The following SCUBE1 variants were observed in gnomAD, a reference collection of about 807,000 sequenced individuals.
SCUBE1 encodes the protein signal peptide, CUB domain and EGF like domain containing 1, also known as signal peptide, CUB and EGF-like domain-containing protein 1.
In SCUBE1, 59 loss-of-function variants were observed where a neutral mutation model predicts 124.4. That is an observed-to-expected ratio of 0.47 (90% CI 0.38 to 0.59). The LOEUF (loss-of-function observed/expected upper bound fraction) is 0.59. Among genes scored for constraint, SCUBE1 ranks in the 20% least tolerant of loss-of-function variants. The pLI, the probability that SCUBE1 is intolerant of heterozygous loss-of-function variation, is 0.00. For synonymous variants in SCUBE1, 545 were observed against 550.9 expected, an observed-to-expected ratio of 0.99 and a Z score of 0.15; for missense variants, 1,150 against 1,371.2, an observed-to-expected ratio of 0.84 and a Z score of 2.55.
At chr22:43,301,056 CCA>C (rs974687308) in intron 3 of SCUBE1, among the ~76,000 whole-genome samples, 10 of 152,196 alleles carry the variant, frequency 6.6e-5, no homozygotes, top group Admixed American at 6.5e-4. Flanking sequence ...GTCACACAAC[CCA>C]CAGTTGCTTC....
rs1408756726 is a variant in SCUBE1, at chr22:43,223,051, A to C, written c.1327+46T>G. ...AGCAATGGTGGGACCCCAGGGAGGA[A>C]GACCCCCCTGCCACAGCATCCCATC... On this transcript the variant is annotated intron_variant, in intron 11 of 21. Transcript: ENST00000360835. 6 of 1,498,546 alleles carry C rather than the reference A, an allele frequency of 4.0e-6. No individual in the cohort carries two copies. In the African/African-American group the frequency reaches 8.5e-5, roughly 21 times the overall value. The allele number at this position is 1,498,546 out of a possible 1,614,324, so 92.8% of individuals were successfully genotyped here.
At chr22:43,219,854 C>T (rs945491615) in intron 14 of SCUBE1, among the ~76,000 whole-genome samples, 4 of 152,082 alleles carry the variant, frequency 2.6e-5, no homozygotes, top group African/African-American at 9.7e-5. Flanking sequence ...CCCCCACCAC[C>T]GAGAGTCCCA....
chr22:43,252,834 C>T (rs1306611849), intron 6 of SCUBE1, among the ~76,000 whole-genome samples: 4 of 150,566 alleles, frequency 2.7e-5, no homozygotes, highest in African/African-American at 7.3e-5. Context: ...CCTTACTCTC[C>T]ATACCTCGCC....
chr22:43,339,021 G>A, intron 2 of SCUBE1, 83 bp downstream of exon 2: 1 of 1,496,542 alleles, frequency 6.7e-7, no homozygotes, highest in Non-Finnish European at 9.2e-7. Context: ...AGCCCCAGCT[G>A]GTGATGAATG....
intron 2 of SCUBE1, among the ~76,000 whole-genome samples, chr22:43,329,349 C>T (rs890477875): frequency 5.9e-5 from 9 of 152,270 alleles, no homozygotes; most frequent in African/African-American, 1.7e-4. Flanking sequence ...GCCATGGAAA[C>T]GAGGAGCACC....
chr22:43,241,162 T>C (rs1922989407), intron 6 of SCUBE1, among the ~76,000 whole-genome samples: 1 of 152,134 alleles, frequency 6.6e-6, no homozygotes, highest in Admixed American at 6.5e-5. Flanking sequence ...GGTCACCCGC[T>C]CTCTGGACGA....
Position 43,245,225 on chromosome 22 carries a change from C to T in SCUBE1, c.728-6271G>A, listed in dbSNP as rs568965074. Among the ~76,000 whole-genome samples the T allele has an allele frequency of 2.1e-4, 32 of 152,344 alleles. 1 individual carries two copies. The highest frequency in any genetic ancestry group is 8.3e-4 in the South Asian group (4 of 4,832). On this transcript the variant is annotated intron_variant, in intron 6 of 21. Transcript: ENST00000360835. ...ATGGCCAGCGCTGTGCTGGGCACCA[C>T]GAATGTGGCCTCCCTTGCGCCTCTG...
intron 7 of SCUBE1, chr22:43,237,537 G>C (rs982373862): frequency 6.6e-6 from 1 of 152,230 alleles, no homozygotes; most frequent in Non-Finnish European, 1.5e-5. Flanking sequence ...CTGCCCACTT[G>C]CCTGCCAGGA....
intron 13 of SCUBE1, 125 bp downstream of exon 13, chr22:43,221,048 G>A (rs777412892): frequency 1.8e-5 from 12 of 652,466 alleles, no homozygotes; most frequent in Non-Finnish European, 2.9e-5. Flanking sequence ...ATAAACAGCT[G>A]CCAGGTGAGA....
chr22:43,311,343 G>C (rs1926161601), intron 3 of SCUBE1, among the ~76,000 whole-genome samples: 1 of 151,984 alleles, frequency 6.6e-6, no homozygotes, highest in Non-Finnish European at 1.5e-5. Context: ...GCATATAGCA[G>C]GCACTCAGAA....
At chr22:43,288,684 A>G (rs1925242191) in intron 4 of SCUBE1, among the ~76,000 whole-genome samples, 1 of 151,700 alleles carries the variant, frequency 6.6e-6, no homozygotes, top group Admixed American at 6.6e-5. Flanking sequence ...ACACCGCATC[A>G]CCTCCCAAGG....
rs767204628 is a variant in SCUBE1, at chr22:43,284,755, A to ATCGTCGTCGTCGTCGTCG, written c.484+6290_484+6291insCGACGACGACGACGACGA. 6.7e-5 allele frequency among the ~76,000 whole-genome samples: 10 copies of ATCGTCGTCGTCGTCGTCG among 149,306 alleles called. No homozygotes were observed. The South Asian group carries it at 1.7e-3, about 25-fold the overall frequency. On this transcript the variant is annotated intron_variant, in intron 4 of 21. Transcript: ENST00000360835. ...ATTGGATGCAGCTCTTGCAATCATC[A>ATCGTCGTCGTCGTCGTCG]TCGTCATCGTCGTCGTCGTCGTCGT... is the stretch of plus-strand genomic sequence containing the variant.
At chr22:43,265,132 G>T in intron 4 of SCUBE1, among the ~76,000 whole-genome samples, 1 of 152,218 alleles carries the variant, frequency 6.6e-6, no homozygotes, top group East Asian at 1.9e-4. Context: ...CCATACATTT[G>T]TCACTGGGGA....
chr22:43,235,132 C>T (rs373119689), intron 7 of SCUBE1, among the ~76,000 whole-genome samples: 27 of 152,140 alleles, frequency 1.8e-4, no homozygotes, highest in African/African-American at 6.5e-4. Flanking sequence ...TGTCTAGGAA[C>T]GCTCACCGAA....
intron 6 of SCUBE1, among the ~76,000 whole-genome samples, chr22:43,239,266 G>A (rs1922901000): frequency 6.6e-6 from 1 of 152,214 alleles, no homozygotes; most frequent in Admixed American, 6.5e-5. Context: ...TGCTATCTGG[G>A]GCCAGACTGG....
rs1921604836 is a variant in SCUBE1 at position 43,212,422 on chromosome 22, C to G, written c.2221+3G>C. 1.3e-6 allele frequency: 2 copies of G among 1,550,000 alleles called. No homozygotes were observed. Among genetic ancestry groups the G allele is most frequent in the African/African-American group, 1.4e-5 (1 of 73,164 alleles). On this transcript the variant is annotated splice_donor_region_variant and intron_variant, in intron 17 of 21. Coordinates refer to ENST00000360835, the MANE Select transcript of SCUBE1 (RefSeq NM_173050.5). Reference sequence around the variant, plus strand: ...GCGGGCGTGGTGGGGAGGGCATGCTCACCTTTAGCCTCGCAGTCCTGGAAG... The same window carrying G: ...GCGGGCGTGGTGGGGAGGGCATGCTGACCTTTAGCCTCGCAGTCCTGGAAG...
At chr22:43,343,114 C>A (rs1927385306) in intron 1 of SCUBE1, 60 bp downstream of exon 1, 2 of 870,682 alleles carry the variant, frequency 2.3e-6, no homozygotes, top group Non-Finnish European at 2.9e-6. Flanking sequence ...CCTCCGGGAC[C>A]GCGCCTCGGC....
chr22:43,278,745 C>T (rs149801294), intron 4 of SCUBE1, among the ~76,000 whole-genome samples: 1 of 152,334 alleles, frequency 6.6e-6, no homozygotes, highest in Non-Finnish European at 1.5e-5. Context: ...TCCTGCCCCC[C>T]CAGTGCAGCT....
chr22:43,287,550 C>T (rs1925193525), intron 4 of SCUBE1, among the ~76,000 whole-genome samples: 1 of 152,214 alleles, frequency 6.6e-6, no homozygotes, highest in Admixed American at 6.5e-5. Flanking sequence ...GGGCTGAGCC[C>T]TGTGTTTCTC....
Sources: allele counts gnomAD v4.1 joint callset (sites outside exome capture counted in the v4.1 genomes callset), GRCh38; gene constraint gnomAD v4.1.1; transcripts MANE v1.5; gene names NCBI Gene and HGNC (gene_info 2026-07-23, HGNC 2026-07-21).